FUBP3: variants seen among roughly 807,000 people sequenced by gnomAD.
FUBP3 encodes far upstream element binding protein 3, also known as far upstream element-binding protein 3.
FUBP3 carries 28 observed loss-of-function variants against 85.6 expected under a neutral mutation model. The ratio of observed to expected loss-of-function variants is 0.33; its 90% CI spans 0.24 to 0.45. FUBP3 has a LOEUF of 0.45. FUBP3 is among the 20% of genes least tolerant of loss of function. The probability of loss-of-function intolerance (pLI) is 1.00; values close to 1 mark genes in which losing one functional copy is unlikely to be tolerated. For missense variants in FUBP3, 583 were observed against 755.1 expected, an observed-to-expected ratio of 0.77 and a Z score of 2.67; for synonymous variants, 271 against 271.4, an observed-to-expected ratio of 1.00 and a Z score of 0.01.
intron 12 of FUBP3, among the ~76,000 whole-genome samples, chr9:130,628,806 G>A (rs1588163167): frequency 6.6e-6 from 1 of 152,016 alleles, no homozygotes. Context: ...TTTCGCTTTT[G>A]TTGCCCAGGC....
intron 1 of FUBP3, among the ~76,000 whole-genome samples, chr9:130,591,337 G>T (rs186617586): frequency 6.6e-6 from 1 of 152,130 alleles, no homozygotes; most frequent in Non-Finnish European, 1.5e-5. Context: ...CAGCTACTCG[G>T]GAGGCTGAGG....
intron 1 of FUBP3, among the ~76,000 whole-genome samples, chr9:130,595,094 C>T (rs988127898): frequency 2.0e-5 from 3 of 151,454 alleles, no homozygotes; most frequent in South Asian, 4.2e-4. Flanking sequence ...GGCGTGGTGG[C>T]GCATGCCTGT....
At chr9:130,606,406 C>T (rs1831436320) in intron 2 of FUBP3, among the ~76,000 whole-genome samples, 1 of 152,196 alleles carries the variant, frequency 6.6e-6, no homozygotes, top group African/African-American at 2.4e-5. Context: ...CCAACAGACT[C>T]ACTCACCTGC....
At chr9:130,618,839 G>A (rs1313547845) in intron 8 of FUBP3, among the ~76,000 whole-genome samples, 2 of 152,192 alleles carry the variant, frequency 1.3e-5, no homozygotes, top group Non-Finnish European at 2.9e-5. Context: ...CAGCTAAGCT[G>A]GTCAAGGTAC....
intron 1 of FUBP3, among the ~76,000 whole-genome samples, chr9:130,582,899 G>A (rs1217531092): frequency 6.6e-6 from 1 of 152,168 alleles, no homozygotes; most frequent in Non-Finnish European, 1.5e-5. Flanking sequence ...TCTGCCAGTC[G>A]TCGCCTAAAT....
rs1830827283 is a variant in FUBP3, at chr9:130,595,535, T to A, written c.137T>A (p.Val46Glu). 3.1e-6 allele frequency: 5 copies of A among 1,595,140 alleles called. No homozygotes were observed. The highest frequency in any genetic ancestry group is 3.4e-6 in the Non-Finnish European group (4 of 1,162,798). ...IPHLNNSTPL[V>E]DPSVYGYGVQ... ...CACTTGAATAATTCCACACCTCTAG[T>A]GGACCCCTCAGTATATGGATACGGA... Residue 46 changes from valine (V) to glutamate (E), a missense_variant, in exon 2 of 19, where the codon GTG (valine) becomes GAG (glutamate). By Grantham distance (121) the Val-to-Glu change is moderately radical (BLOSUM62 -2). Around this residue, in one of 3 missense-constraint regions of FUBP3, gnomAD observed 177 missense variants for 221.9 expected, o/e 0.80. Transcript: ENST00000319725.
intron 8 of FUBP3, among the ~76,000 whole-genome samples, chr9:130,619,094 G>C (rs1832164654): frequency 6.6e-6 from 1 of 152,216 alleles, no homozygotes; most frequent in Non-Finnish European, 1.5e-5. Context: ...TGATGGTGTT[G>C]GATCCAGGCC....
At chr9:130,579,908 C>G in intron 1 of FUBP3, 144 bp downstream of exon 1, 1 of 465,412 alleles carries the variant, frequency 2.1e-6, no homozygotes. Flanking sequence ...GTTCCTACAG[C>G]CGGGAGGAGC....
chr9:130,582,391 C>T (rs1277663857), intron 1 of FUBP3, among the ~76,000 whole-genome samples: 1 of 150,978 alleles, frequency 6.6e-6, no homozygotes, highest in East Asian at 1.9e-4. Context: ...ATCAAGGCTG[C>T]AGTGAGCTGT....
chr9:130,610,466 G>T (rs371123283), intron 3 of FUBP3, among the ~76,000 whole-genome samples: 2 of 152,156 alleles, frequency 1.3e-5, no homozygotes, highest in East Asian at 3.8e-4. Flanking sequence ...CTTCCGAAGT[G>T]GTAGGGACTT....
chr9:130,600,263 T>C (rs1269374723), intron 2 of FUBP3, among the ~76,000 whole-genome samples: 2 of 152,140 alleles, frequency 1.3e-5, no homozygotes, highest in Non-Finnish European at 2.9e-5. Context: ...TGGGTCCCGC[T>C]GTGCACCTCT....
intron 2 of FUBP3, among the ~76,000 whole-genome samples, chr9:130,601,674 C>G (rs1230297384): frequency 6.6e-6 from 1 of 151,988 alleles, no homozygotes; most frequent in Non-Finnish European, 1.5e-5. Flanking sequence ...TTTTATAGTA[C>G]CACACTTTCT....
intron 1 of FUBP3, among the ~76,000 whole-genome samples, chr9:130,589,699 ATATATATT>A (rs1262638546): frequency 7.0e-4 from 20 of 28,568 alleles, no homozygotes; most frequent in African/African-American, 1.2e-3. Flanking sequence ...ATATATATAT[ATATATATT>A]TTTTTTTTTT....
Position 130,610,539 on chromosome 9 carries a change from C to T in FUBP3, c.224+552C>T, listed in dbSNP as rs79729917. 8.3e-4 allele frequency among the ~76,000 whole-genome samples: 127 copies of T among 152,240 alleles called. 1 individual carries two copies. In the East Asian group the frequency reaches 0.013, roughly 15 times the overall value. On this transcript the variant is annotated intron_variant, in intron 3 of 18. Transcript: ENST00000319725. Reference sequence around the variant, plus strand: ...TGTCCCCTCATAGCCTTCTGTCAAACGTAGAAGATTTAGAGAGATACAGAA... The same window carrying T: ...TGTCCCCTCATAGCCTTCTGTCAAATGTAGAAGATTTAGAGAGATACAGAA...
At chr9:130,586,857 TCTC>T (rs1226840148) in intron 1 of FUBP3, among the ~76,000 whole-genome samples, 1 of 150,374 alleles carries the variant, frequency 6.7e-6, no homozygotes, top group Non-Finnish European at 1.5e-5. Flanking sequence ...TTCACACCAT[TCTC>T]CTGCTCAGCC....
chr9:130,604,807 G>A (rs1258476798), intron 2 of FUBP3, among the ~76,000 whole-genome samples: 4 of 151,850 alleles, frequency 2.6e-5, no homozygotes, highest in African/African-American at 9.7e-5. Context: ...CTGAGGCAGG[G>A]GAATCACTTG....
At chr9:130,586,467 T>G (rs1490995157) in intron 1 of FUBP3, among the ~76,000 whole-genome samples, 1 of 152,030 alleles carries the variant, frequency 6.6e-6, no homozygotes, top group Non-Finnish European at 1.5e-5. Context: ...AGTGGCGCAG[T>G]CTCAGCTCAC....
At chr9:130,631,385 A>C in intron 13 of FUBP3, 172 bp from the exon 14 acceptor site, 1 of 1,350,864 alleles carries the variant, frequency 7.4e-7, no homozygotes, top group Non-Finnish European at 9.8e-7. Context: ...GGCAGAAGCC[A>C]TTTCTGCAGC....
chr9:130,623,573 G>A, intron 10 of FUBP3, 38 bp from the exon 11 acceptor site: 1 of 1,306,290 alleles, frequency 7.7e-7, no homozygotes, highest in South Asian at 1.2e-5. Context: ...TCTAACGTTG[G>A]GCTTTTTTCT....
Sources: allele counts gnomAD v4.1 joint callset (sites outside exome capture counted in the v4.1 genomes callset), GRCh38; gene constraint gnomAD v4.1.1; regional missense constraint gnomAD v4.1.1; transcripts MANE v1.5; gene names NCBI Gene and HGNC (gene_info 2026-07-23, HGNC 2026-07-21).